LDB3: variants seen among roughly 807,000 people sequenced by gnomAD.
LDB3 encodes LIM domain binding 3, also known as LIM domain-binding protein 3.
LDB3 carries 49 observed loss-of-function variants against 69.0 expected under a neutral mutation model. That is an observed-to-expected ratio of 0.71 (90% CI 0.56 to 0.90). The LOEUF (loss-of-function observed/expected upper bound fraction) is 0.90. Ranked by LOEUF, LDB3 falls within the 40% of genes least tolerant of loss-of-function variation. The pLI, the probability that LDB3 is intolerant of heterozygous loss-of-function variation, is 0.00. For synonymous variants in LDB3, 387 were observed against 396.2 expected, an observed-to-expected ratio of 0.98 and a Z score of 0.28; for missense variants, 928 against 974.1, an observed-to-expected ratio of 0.95 and a Z score of 0.63.
intron 9 of LDB3, among the ~76,000 whole-genome samples, chr10:86,715,446 G>A (rs1481634993): frequency 2.0e-5 from 3 of 152,324 alleles, no homozygotes; most frequent in Non-Finnish European, 1.5e-5. Context: ...GTAAGCAGTG[G>A]CAATGCTTTT....
At position 86,726,136 on chromosome 10, in the gene LDB3, G is replaced by A; in HGVS notation, c.1979-1G>A. Reference sequence around the variant, plus strand: ...GGTCTTCACTCTGCTTTTCATTTCAGACTACATCAATCTGTTCAGCACCAA... The same window carrying A: ...GGTCTTCACTCTGCTTTTCATTTCAAACTACATCAATCTGTTCAGCACCAA... On this transcript the variant is annotated splice_acceptor_variant, in intron 12 of 13. Coordinates refer to ENST00000361373, the MANE Select transcript of LDB3 (RefSeq NM_007078.3). LOFTEE classifies it high-confidence loss of function. The A allele has an allele frequency of 1.9e-6, 3 of 1,612,546 alleles. No individual in the cohort carries two copies. The highest frequency in any genetic ancestry group is 2.5e-6 in the Non-Finnish European group (3 of 1,178,968).
chr10:86,728,632 G>C (rs1847354469), intron 13 of LDB3, among the ~76,000 whole-genome samples: 1 of 140,410 alleles, frequency 7.1e-6, no homozygotes, highest in Non-Finnish European at 1.5e-5. Context: ...CGCCAGGCTG[G>C]AGTGCAGTGG....
chr10:86,689,280 T>C (rs896343372), intron 5 of LDB3, among the ~76,000 whole-genome samples: 1 of 152,104 alleles, frequency 6.6e-6, no homozygotes, highest in African/African-American at 2.4e-5. Flanking sequence ...CTGGCGTAAG[T>C]AGACCCTGCA....
chr10:86,699,782 T>A lies in LDB3; in HGVS notation c.897-6749T>A. The A allele has an allele frequency of 9.4e-7, 1 of 1,064,522 alleles. No individual in the cohort carries two copies. Among genetic ancestry groups the A allele is most frequent in the Non-Finnish European group, 1.1e-6 (1 of 877,004 alleles). The allele number at this position is 1,064,522 out of a possible 1,614,324, so 65.9% of individuals were successfully genotyped here. On this transcript the variant is annotated intron_variant, in intron 7 of 13. Coordinates refer to ENST00000361373, the MANE Select transcript of LDB3 (RefSeq NM_007078.3). The surrounding 1 kb of genome is among the most constrained non-coding windows in gnomAD (Gnocchi z 4.9). Reference sequence around the variant, plus strand: ...TGGCCTCATCCCCTCCTAGAATGAGTCACCCGTAGATCAGGGTCTGGGGAA... The same window carrying A: ...TGGCCTCATCCCCTCCTAGAATGAGACACCCGTAGATCAGGGTCTGGGGAA...
Position 86,706,604 on chromosome 10 carries a change from C to T in LDB3, c.970C>T (p.Pro324Ser), listed in dbSNP as rs45512506. ...TPLLPASAQP[P>S]AAASPSAASP... ...GCTGCTGCCCGCTTCTGCCCAGCCA[C>T]CTGCTGCTGCCTCTCCCAGTGCGGC... Residue 324 changes from proline (P) to serine (S), a missense_variant, in exon 8 of 14, where the codon CCT becomes TCT. Transcript: ENST00000361373. 2.5e-6 allele frequency: 4 copies of T among 1,613,204 alleles called. 1 individual carries two copies. Among genetic ancestry groups the T allele is most frequent in the Middle Eastern group, 3.3e-4 (2 of 6,062 alleles).
chr10:86,672,855 C>A (rs1297791496), intron 2 of LDB3, among the ~76,000 whole-genome samples: 1 of 152,270 alleles, frequency 6.6e-6, no homozygotes, highest in Non-Finnish European at 1.5e-5. Context: ...GCTGCATAAG[C>A]AGCCCCAGGG....
In LDB3 at chr10:86,681,607, C is replaced by A. The variant is rs45610637; in HGVS notation, c.493C>A (p.Arg165=). ...LAEASDPGPP[R]ASLRAKTSPE... ...CGAGGCCTCTGACCCTGGCCCTCCG[C>A]GGGCCAGCCTGAGGGCCAAGACCAG... The change falls in exon 5 of 14, where the codon CGG becomes AGG. Residue 165 remains arginine, a synonymous_variant. Coordinates refer to ENST00000361373, the MANE Select transcript of LDB3 (RefSeq NM_007078.3). The A allele has an allele frequency of 5.6e-6, 9 of 1,612,888 alleles. No individual in the cohort carries two copies. In the South Asian group the frequency reaches 6.6e-5, roughly 12 times the overall value.
intron 12 of LDB3, among the ~76,000 whole-genome samples, chr10:86,722,830 G>T (rs1847129587): frequency 6.6e-6 from 1 of 151,834 alleles, no homozygotes; most frequent in Non-Finnish European, 1.5e-5. Context: ...ACCTCCCAAA[G>T]TGCTGGGATT....
chr10:86,679,775 T>A (rs565775316), intron 3 of LDB3, among the ~76,000 whole-genome samples: 1 of 152,204 alleles, frequency 6.6e-6, no homozygotes, highest in African/African-American at 2.4e-5. Flanking sequence ...ACGTGGGCCA[T>A]TGGTCCTGGA....
At chr10:86,731,995 C>A (rs1032530872) in intron 13 of LDB3, among the ~76,000 whole-genome samples, 1 of 133,856 alleles carries the variant, frequency 7.5e-6, no homozygotes, top group Admixed American at 7.3e-5. Flanking sequence ...ATTTTCTTTT[C>A]TTTCTTTCTT....
intron 8 of LDB3, among the ~76,000 whole-genome samples, chr10:86,708,509 A>T (rs1251942819): frequency 1.3e-5 from 2 of 152,032 alleles, no homozygotes; most frequent in Non-Finnish European, 2.9e-5. Context: ...TCCTCCAATG[A>T]TGGAGTCCAG....
rs946803195 is a variant in LDB3, at chr10:86,681,439, C to T, written c.325C>T (p.Pro109Ser). 6.2e-7 allele frequency: 1 copy of T among 1,602,040 alleles called. No individual in the cohort carries two copies. The highest frequency in any genetic ancestry group is 2.2e-5 in the East Asian group (1 of 44,870). The change falls in exon 5 of 14, where the codon CCC becomes TCC. Residue 109 changes from proline to serine, a missense_variant. Pro to Ser is a moderately conservative substitution (Grantham distance 74). Transcript: ENST00000361373. ...PLPVIPHQKD[P>S]ALDTNGSLVA... ...TGCATGGCCTGCCCTGTGCCAGGAC[C>T]CCGCTCTGGACACGAACGGCAGCCT...
intron 9 of LDB3, among the ~76,000 whole-genome samples, chr10:86,711,329 G>C (rs1224562298): frequency 1.3e-5 from 2 of 152,070 alleles, no homozygotes; most frequent in Admixed American, 1.3e-4. Context: ...CCTCCTTCCC[G>C]GGCTGGGGCC....
chr10:86,699,421 T>A lies in LDB3; in HGVS notation c.896+6850T>A, dbSNP rs777457041. 1.2e-6 allele frequency: 2 copies of A among 1,611,786 alleles called. No individual in the cohort carries two copies. Among genetic ancestry groups the A allele is most frequent in the Non-Finnish European group, 1.7e-6 (2 of 1,179,146 alleles). ...ACCCCAACAGGCTGGACTCCCTCCA[T>A]CCTTACCCCCACACAGATCTGGCAT... On this transcript the variant is annotated intron_variant, in intron 7 of 13. Transcript: ENST00000361373. This position sits in a 1 kb window ranked among gnomAD's most constrained non-coding sequence, Gnocchi z 4.9.
intron 4 of LDB3, among the ~76,000 whole-genome samples, chr10:86,680,434 C>T (rs961953949): frequency 6.6e-6 from 1 of 152,238 alleles, no homozygotes; most frequent in Non-Finnish European, 1.5e-5. Context: ...AGGAAGCCAG[C>T]TTGGGCAGCA....
At chr10:86,668,805 C>A in intron 2 of LDB3, 21 bp downstream of exon 2, 1 of 1,590,758 alleles carries the variant, frequency 6.3e-7, no homozygotes, top group Non-Finnish European at 8.6e-7. Context: ...CCTGCCACAG[C>A]CTGGCACCCG....
intron 10 of LDB3, among the ~76,000 whole-genome samples, chr10:86,717,172 G>A (rs1846909540): frequency 6.6e-6 from 1 of 152,186 alleles, no homozygotes; most frequent in African/African-American, 2.4e-5. Context: ...AGACAGGCCT[G>A]GGCTGCTCAG....
chr10:86,707,256 G>C (rs1171052057), intron 8 of LDB3, among the ~76,000 whole-genome samples: 1 of 152,020 alleles, frequency 6.6e-6, no homozygotes, highest in African/African-American at 2.4e-5. Flanking sequence ...GGTATAGTGG[G>C]ATTTATATCT....
intron 13 of LDB3, among the ~76,000 whole-genome samples, chr10:86,730,605 C>T (rs1847421375): frequency 6.6e-6 from 1 of 152,180 alleles, no homozygotes; most frequent in Non-Finnish European, 1.5e-5. Flanking sequence ...ACAGAGATTC[C>T]CAGCCTACAA....
Sources: gnomAD v4.1 joint callset for allele counts (sites outside exome capture counted in the v4.1 genomes callset) on GRCh38, gnomAD v4.1.1 for gene constraint, Gnocchi (gnomAD v3.1) non-coding constraint, MANE v1.5 for transcripts, NCBI Gene and HGNC (gene_info 2026-07-23, HGNC 2026-07-21) for gene names.